THSD4: variants seen among roughly 807,000 people sequenced by gnomAD.
The protein encoded by THSD4 is thrombospondin type 1 domain containing 4, also known as thrombospondin type-1 domain-containing protein 4.
THSD4 carries 69 observed loss-of-function variants against 119.0 expected under a neutral mutation model. That is an observed-to-expected ratio of 0.58 (90% CI 0.48 to 0.71). The LOEUF (loss-of-function observed/expected upper bound fraction) is 0.71. Ranked by LOEUF, THSD4 falls within the 30% of genes least tolerant of loss-of-function variation. The probability of loss-of-function intolerance (pLI) is 0.00; values close to 1 mark genes in which losing one functional copy is unlikely to be tolerated. For missense variants in THSD4, 1,393 were observed against 1,391.1 expected, an observed-to-expected ratio of 1.00 and a Z score of -0.02; for synonymous variants, 524 against 540.4, an observed-to-expected ratio of 0.97 and a Z score of 0.42.
rs201083752 is a variant in THSD4 at position 71,534,168 on chromosome 15, T to G, written c.1152+122345T>G. Among the ~76,000 whole-genome samples the G allele has an allele frequency of 4.6e-4, 70 of 152,300 alleles. 2 individuals carry two copies. In the East Asian group the frequency reaches 0.01, roughly 22 times the overall value. On this transcript the variant is annotated intron_variant, in intron 7 of 17. Transcript: ENST00000261862. ...TCTCACTATGTTGCCCGTGCTGGTCTCTAACTCCTGGGCTCAAGCAATCCT... is the reference window on the plus strand; with the variant it reads ...TCTCACTATGTTGCCCGTGCTGGTCGCTAACTCCTGGGCTCAAGCAATCCT...
At chr15:71,376,839 A>G (rs774671903) in intron 6 of THSD4, among the ~76,000 whole-genome samples, 2 of 152,244 alleles carry the variant, frequency 1.3e-5, no homozygotes. Flanking sequence ...TCAGCAAACA[A>G]TTGGTAAGAT....
At chr15:71,550,861 G>T (rs1332540928) in intron 7 of THSD4, among the ~76,000 whole-genome samples, 3 of 152,184 alleles carry the variant, frequency 2.0e-5, no homozygotes, top group Non-Finnish European at 2.9e-5. Context: ...GGTGATGGTT[G>T]CACAATTTTG....
intron 4 of THSD4, among the ~76,000 whole-genome samples, chr15:71,225,674 C>G (rs1442460859): frequency 6.6e-6 from 1 of 151,430 alleles, no homozygotes; most frequent in African/African-American, 2.4e-5. Flanking sequence ...CAGCCTATAG[C>G]TGGGACTACA....
At chr15:71,369,710 C>CA (rs1290876827) in intron 6 of THSD4, among the ~76,000 whole-genome samples, 1 of 152,126 alleles carries the variant, frequency 6.6e-6, no homozygotes, top group Non-Finnish European at 1.5e-5. Context: ...ATTTTTGCAT[C>CA]AATGTTCATC....
chr15:71,304,059 C>G (rs1329633704), intron 6 of THSD4, among the ~76,000 whole-genome samples: 1 of 152,222 alleles, frequency 6.6e-6, no homozygotes, highest in East Asian at 1.9e-4. Flanking sequence ...CTGGCTGGAG[C>G]TGCTTATTCT....
At chr15:71,389,748 A>G (rs964758911) in intron 6 of THSD4, among the ~76,000 whole-genome samples, 17 of 151,096 alleles carry the variant, frequency 1.1e-4, no homozygotes, top group African/African-American at 3.6e-4. Context: ...ATTCCCACCA[A>G]CAGTATATAT....
At chr15:71,129,213 C>T (rs2040481433) in intron 1 of THSD4, among the ~76,000 whole-genome samples, 1 of 152,210 alleles carries the variant, frequency 6.6e-6, no homozygotes, top group African/African-American at 2.4e-5. Flanking sequence ...CAGGAGGAAA[C>T]TCGAAGTACA....
chr15:71,765,148 C>T lies in THSD4; in HGVS notation c.2718C>T (p.Ser906=), dbSNP rs1282029842. 1 of 1,614,236 alleles carries T rather than the reference C, an allele frequency of 6.2e-7. No homozygotes were observed. The highest frequency in any genetic ancestry group is 1.7e-5 in the Admixed American group (1 of 60,030). ...TGGAGAAACCCCCCAGCCAGCAATC[C>T]TGCCACCTCAAGCCTTGCGGAGCCA... ...SFLEKPPSQQ[S]CHLKPCGAKW... Residue 906 remains serine, a synonymous_variant, in exon 16 of 18, where the codon TCC becomes TCT. Transcript: ENST00000261862.
At chr15:71,352,864 C>T (rs1358938229) in intron 6 of THSD4, among the ~76,000 whole-genome samples, 2 of 152,166 alleles carry the variant, frequency 1.3e-5, no homozygotes, top group Non-Finnish European at 2.9e-5. Flanking sequence ...TGGAATTGTC[C>T]ATAGGGACGG....
In THSD4 at chr15:71,779,989, T is replaced by A. The variant is rs1567150484; in HGVS notation, c.*2615T>A. On this transcript the variant is annotated 3_prime_UTR_variant, in exon 18 of 18. Coordinates refer to ENST00000261862, the MANE Select transcript of THSD4 (RefSeq NM_024817.3). ...AATTTTTACTAATTCCCTAGTTTTT[T>A]ATTTCAGCATCTGAATGTCTTTCTC... 6.6e-6 allele frequency: 1 copy of A among 152,208 alleles called. No individual in the cohort carries two copies. Among genetic ancestry groups the A allele is most frequent in the African/African-American group, 2.4e-5 (1 of 41,450 alleles). The allele number at this position is 152,208 out of a possible 1,614,324, so 9.4% of individuals were successfully genotyped here.
chr15:71,453,298 T>G (rs2047292203), intron 7 of THSD4, among the ~76,000 whole-genome samples: 1 of 152,216 alleles, frequency 6.6e-6, no homozygotes, highest in Non-Finnish European at 1.5e-5. Context: ...GGCCAAGCCC[T>G]TTCAGAATTC....
At chr15:71,283,960 A>G (rs1304159494) in intron 6 of THSD4, among the ~76,000 whole-genome samples, 2 of 152,136 alleles carry the variant, frequency 1.3e-5, no homozygotes, top group Non-Finnish European at 2.9e-5. Context: ...TTTAGAAAAG[A>G]GCAGCCTTAT....
At chr15:71,709,750 C>T (rs1390782441) in intron 8 of THSD4, among the ~76,000 whole-genome samples, 1 of 152,062 alleles carries the variant, frequency 6.6e-6, no homozygotes, top group South Asian at 2.1e-4. Flanking sequence ...AGGCATGGTT[C>T]CCAAACTTTG....
At chr15:71,097,708 GTATA>G (rs199991097) in intron 1 of THSD4, among the ~76,000 whole-genome samples, 14 of 138,192 alleles carry the variant, frequency 1.0e-4, no homozygotes, top group African/African-American at 3.7e-4. Context: ...ACAGAAAGAT[GTATA>G]TATATATATA....
chr15:71,748,361 G>A (rs1203737910), intron 13 of THSD4, 60 bp from the exon 14 acceptor site: 7 of 1,595,590 alleles, frequency 4.4e-6, no homozygotes, highest in South Asian at 2.3e-5. Flanking sequence ...CTCCATACTG[G>A]CAATTCTCTC....
At chr15:71,389,218 A>G (rs1444452603) in intron 6 of THSD4, among the ~76,000 whole-genome samples, 1 of 152,186 alleles carries the variant, frequency 6.6e-6, no homozygotes, top group African/African-American at 2.4e-5. Context: ...TTGTTGTGCA[A>G]CAAATCTCTA....
At chr15:71,318,546 T>G (rs1412253809) in intron 6 of THSD4, among the ~76,000 whole-genome samples, 1 of 152,156 alleles carries the variant, frequency 6.6e-6, no homozygotes, top group Non-Finnish European at 1.5e-5. Flanking sequence ...TAAAGCCTCT[T>G]GGAGGCACTC....
At chr15:71,220,792 T>C (rs1363562284) in intron 4 of THSD4, among the ~76,000 whole-genome samples, 1 of 152,148 alleles carries the variant, frequency 6.6e-6, no homozygotes, top group Non-Finnish European at 1.5e-5. Context: ...GGTGGGACTC[T>C]GGGAAGCATA....
chr15:71,391,187 C>G (rs956079396), intron 6 of THSD4, among the ~76,000 whole-genome samples: 3 of 152,114 alleles, frequency 2.0e-5, no homozygotes, highest in African/African-American at 7.2e-5. Context: ...CGCCACCACG[C>G]CCAGCTAATT....
Sources: gnomAD v4.1 joint callset for allele counts (sites outside exome capture counted in the v4.1 genomes callset) on GRCh38, gnomAD v4.1.1 for gene constraint, MANE v1.5 for transcripts, NCBI Gene and HGNC (gene_info 2026-07-23, HGNC 2026-07-21) for gene names.